Variants in GGA2 observed in about 807,000 individuals in gnomAD.
The protein encoded by GGA2 is golgi associated, gamma adaptin ear containing, ARF binding protein 2, also known as ADP-ribosylation factor-binding protein GGA2.
Under a neutral mutation model 79.5 loss-of-function variants are expected in GGA2, and 48 were observed. The observed-to-expected ratio is 0.60, with a 90% CI of 0.48 to 0.77. The LOEUF (loss-of-function observed/expected upper bound fraction) is 0.77, where lower values mean the gene tolerates loss of function less well. GGA2 is among the 30% of genes least tolerant of loss of function. The pLI, the probability that GGA2 is intolerant of heterozygous loss-of-function variation, is 0.00. For synonymous variants in GGA2, 317 were observed against 302.0 expected, an observed-to-expected ratio of 1.05 and a Z score of -0.51; for missense variants, 770 against 774.0, an observed-to-expected ratio of 0.99 and a Z score of 0.06.
chr16:23,464,845 G>T lies in GGA2; in HGVS notation c.*2745C>A, dbSNP rs574558207. 1 of 158,226 alleles carries T rather than the reference G, an allele frequency of 6.3e-6. No individual in the cohort carries two copies. The highest frequency in any genetic ancestry group is 1.8e-4 in the East Asian group (1 of 5,434). 9.8% of individuals were successfully genotyped at this position (158,226 alleles called of 1,614,324 possible). A position where few individuals can be genotyped will look rare whatever the true frequency, so the allele number is the denominator to read the frequency against. ...ACGATCTGGCGACAGCAAGGAGGTG[G>T]CAGCTTGAGAGAGGTCTACAACCCA... On this transcript the variant is annotated 3_prime_UTR_variant, in exon 17 of 17. Transcript: ENST00000309859.
intron 5 of GGA2, among the ~76,000 whole-genome samples, chr16:23,491,174 G>C (rs1011998081): frequency 1.3e-5 from 2 of 151,832 alleles, no homozygotes; most frequent in Non-Finnish European, 2.9e-5. Flanking sequence ...GGGTATGGTG[G>C]CACACGCCTG....
chr16:23,482,355 G>C (rs141609601), intron 9 of GGA2, among the ~76,000 whole-genome samples: 51 of 152,224 alleles, frequency 3.4e-4, no homozygotes, highest in African/African-American at 1.2e-3. Context: ...GATGAAGTAA[G>C]ATTAAAAAAA....
chr16:23,480,917 C>T (rs1964640033), intron 9 of GGA2, 147 bp from the exon 10 acceptor site: 1 of 707,944 alleles, frequency 1.4e-6, no homozygotes, highest in South Asian at 1.8e-5. Context: ...GTCATCGGAC[C>T]CTATCAGGCC....
At chr16:23,491,530 TA>T (rs34831881) in intron 5 of GGA2, 146 bp downstream of exon 5, 164,832 of 299,080 alleles carry the variant, frequency 0.55, 35,947 homozygotes, top group Admixed American at 0.63. Flanking sequence ...ATTTATTGCG[TA>T]AAAAAAAAAA....
chr16:23,491,601 A>G, intron 5 of GGA2, 76 bp downstream of exon 5: 1 of 1,424,496 alleles, frequency 7.0e-7, no homozygotes, highest in South Asian at 1.2e-5. Flanking sequence ...TCAACAAAAA[A>G]TTATAAGGCA....
rs1275175377 is a variant in GGA2 at position 23,510,395 on chromosome 16, ACCGCGGTCGCCG to A, written c.5_16del (p.Ala2_Ala5del). The A allele has an allele frequency of 5.8e-6, 8 of 1,390,894 alleles. No homozygotes were observed. In the South Asian group the frequency reaches 1.2e-4, roughly 21 times the overall value. 86.2% of individuals were successfully genotyped at this position (1,390,894 alleles called of 1,614,324 possible). A position where few individuals can be genotyped will look rare whatever the true frequency, so the allele number is the denominator to read the frequency against. On this transcript the variant is annotated inframe_deletion, in exon 1 of 17. Transcript: ENST00000309859. The stretch of plus-strand genomic sequence containing the variant: ...CTCGGTTCCCGCCACAGCCGCCGCC[ACCGCGGTCGCCG>A]CCATCGCTCCAGCCCCGACGCTGCG...
upstream of GGA2, chr16:23,524,346 C>G: frequency 6.3e-7 from 1 of 1,599,998 alleles, no homozygotes; most frequent in Non-Finnish European, 8.6e-7. Context: ...TTAGGGCGAT[C>G]TCCACTGCCC....
Position 23,493,441 on chromosome 16 carries a change from C to A in GGA2, c.270G>T (p.Met90Ile). 6.2e-7 allele frequency: 1 copy of A among 1,610,292 alleles called. No homozygotes were observed. Among genetic ancestry groups the A allele is most frequent in the South Asian group, 1.1e-5 (1 of 90,968 alleles). The change falls in exon 4 of 17, where the codon ATG (methionine) becomes ATT (isoleucine). Residue 90 changes from methionine to isoleucine, a missense_variant. Transcript: ENST00000309859. ...TGTGGAACTTCTCCCCACAGTGGTT[C>A]ATGCACATCTCCAGCACCTGCACAG... Reference protein sequence around the residue: ...LYALTVLEMCMNHCGEKFHSE... With the variant: ...LYALTVLEMCINHCGEKFHSE...
At chr16:23,483,104 G>T in intron 8 of GGA2, 100 bp from the exon 9 acceptor site, 1 of 743,690 alleles carries the variant, frequency 1.3e-6, no homozygotes, top group East Asian at 2.6e-5. Context: ...GGCAGAGTCT[G>T]GGGCTTCAGA....
chr16:23,482,976 C>T lies in GGA2; in HGVS notation c.827G>A (p.Arg276Gln), dbSNP rs752989795. 18 of 1,612,388 alleles carry T rather than the reference C, an allele frequency of 1.1e-5. No homozygotes were observed. The highest frequency in any genetic ancestry group is 8.0e-5 in the African/African-American group (6 of 74,846). Residue 276 changes from arginine to glutamine, a missense_variant, in exon 9 of 17, where the codon CGG (arginine) becomes CAG (glutamine). Coordinates refer to ENST00000309859, the MANE Select transcript of GGA2 (RefSeq NM_015044.4). ...ACTCGCCAACCGGAACAGCGTGGGCCGCAGCTTTTCACACCTCTCATACAC... is the reference window on the plus strand; with the variant it reads ...ACTCGCCAACCGGAACAGCGTGGGCTGCAGCTTTTCACACCTCTCATACAC... ...QVVYERCEKLRPTLFRLASDT... is the reference protein window; with the variant it reads ...QVVYERCEKLQPTLFRLASDT...
chr16:23,512,113 T>C (rs533255759), upstream of GGA2, among the ~76,000 whole-genome samples: 2 of 152,336 alleles, frequency 1.3e-5, no homozygotes, highest in Admixed American at 6.5e-5. Context: ...GATGGCACCA[T>C]GTTTGAAAGG....
In GGA2 at chr16:23,478,358, G is replaced by A. The variant is rs202099715; in HGVS notation, c.1292+10C>T. Reference sequence around the variant, plus strand: ...CACACTCTCCCACTCCCCTTGCCCAGAAGACTCACAGAGGGCACGGAGCTG... The same window carrying A: ...CACACTCTCCCACTCCCCTTGCCCAAAAGACTCACAGAGGGCACGGAGCTG... On this transcript the variant is annotated intron_variant, in intron 13 of 16. Transcript: ENST00000309859. The A allele has an allele frequency of 2.6e-6, 4 of 1,565,752 alleles. No individual in the cohort carries two copies. The highest frequency in any genetic ancestry group is 2.3e-5 in the East Asian group (1 of 44,398).
At chr16:23,484,561 T>G (rs1386528132) in intron 8 of GGA2, among the ~76,000 whole-genome samples, 1 of 152,002 alleles carries the variant, frequency 6.6e-6, no homozygotes, top group Non-Finnish European at 1.5e-5. Context: ...AAAAAGACAA[T>G]CCAAAAGATG....
intron 1 of GGA2, among the ~76,000 whole-genome samples, chr16:23,505,385 A>T (rs1270111482): frequency 6.6e-6 from 1 of 152,172 alleles, no homozygotes; most frequent in Non-Finnish European, 1.5e-5. Context: ...GTCTACCAAC[A>T]GGGACCCGGT....
At chr16:23,484,675 C>T (rs1048691349) in intron 8 of GGA2, among the ~76,000 whole-genome samples, 6 of 152,226 alleles carry the variant, frequency 3.9e-5, no homozygotes, top group African/African-American at 1.4e-4. Flanking sequence ...TGAGACAGTA[C>T]TTCACACCCT....
intron 14 of GGA2, among the ~76,000 whole-genome samples, chr16:23,472,184 GTTTTTTTTTTTTTTT>G (rs749688834): frequency 7.3e-5 from 4 of 54,838 alleles, no homozygotes; most frequent in Non-Finnish European, 1.0e-4. Context: ...TGTAGCCCTG[GTTTTTTTTTTTTTTT>G]TTTTTTTTTT....
intron 10 of GGA2, 30 bp downstream of exon 10, chr16:23,480,615 G>A: frequency 6.3e-7 from 1 of 1,589,344 alleles, no homozygotes; most frequent in Non-Finnish European, 8.6e-7. Context: ...CCCCAAGGCA[G>A]AGAAGGCAAG....
chr16:23,480,136 G>A (rs1964629501), intron 10 of GGA2: 1 of 474,218 alleles, frequency 2.1e-6, no homozygotes, highest in Non-Finnish European at 3.9e-6. Flanking sequence ...CCATCACTCT[G>A]GAGGAAAGCA....
intron 14 of GGA2, among the ~76,000 whole-genome samples, chr16:23,473,901 C>A (rs910704184): frequency 1.3e-5 from 2 of 152,262 alleles, no homozygotes; most frequent in South Asian, 4.1e-4. Flanking sequence ...TGTTTATCAA[C>A]TCTGTTTATT....
Sources: gnomAD v4.1 joint callset for allele counts (sites outside exome capture counted in the v4.1 genomes callset) on GRCh38, gnomAD v4.1.1 for gene constraint, MANE v1.5 for transcripts, NCBI Gene and HGNC (gene_info 2026-07-23, HGNC 2026-07-21) for gene names.